LDLRAD4: variants seen among roughly 807,000 people sequenced by gnomAD.
LDLRAD4 encodes the protein low-density lipoprotein receptor class A domain-containing protein 4.
Under a neutral mutation model 17.0 loss-of-function variants are expected in LDLRAD4, and 5 were observed. The observed-to-expected ratio is 0.29, with a 90% CI of 0.15 to 0.62. LDLRAD4 has a LOEUF of 0.62. Ranked by LOEUF, LDLRAD4 falls within the 20% of genes least tolerant of loss-of-function variation. The pLI is 0.84. For synonymous variants in LDLRAD4, 168 were observed against 171.8 expected, an observed-to-expected ratio of 0.98 and a Z score of 0.17; for missense variants, 340 against 424.7, an observed-to-expected ratio of 0.80 and a Z score of 1.75.
At chr18:13,265,579 C>A (rs2044171035) in intron 1 of LDLRAD4, among the ~76,000 whole-genome samples, 1 of 152,220 alleles carries the variant, frequency 6.6e-6, no homozygotes, top group South Asian at 2.1e-4. Flanking sequence ...CACATCTCTT[C>A]ATTTTTCTTG....
chr18:13,574,608 G>C (rs945910272), intron 3 of LDLRAD4, among the ~76,000 whole-genome samples: 6 of 152,172 alleles, frequency 3.9e-5, no homozygotes, highest in African/African-American at 1.4e-4. Flanking sequence ...CTGCCTGAGA[G>C]CCCCCGGCTT....
At chr18:13,225,322 C>T (rs1019846387) in intron 1 of LDLRAD4, among the ~76,000 whole-genome samples, 3 of 152,198 alleles carry the variant, frequency 2.0e-5, no homozygotes, top group Non-Finnish European at 4.4e-5. Context: ...AACTGGTCCA[C>T]GGTATCAGGC....
intron 3 of LDLRAD4, among the ~76,000 whole-genome samples, chr18:13,495,512 A>C (rs1242018393): frequency 6.6e-6 from 1 of 152,204 alleles, no homozygotes; most frequent in African/African-American, 2.4e-5. Flanking sequence ...TTTTAGAGGA[A>C]ATACCAAGGC....
intron 2 of LDLRAD4, among the ~76,000 whole-genome samples, chr18:13,391,225 G>A (rs545455278): frequency 6.6e-6 from 1 of 152,296 alleles, no homozygotes; most frequent in Admixed American, 6.5e-5. Flanking sequence ...ACTAAAATTT[G>A]TCACTTTATG....
At chr18:13,244,378 A>G (rs532616131) in intron 1 of LDLRAD4, among the ~76,000 whole-genome samples, 5 of 151,636 alleles carry the variant, frequency 3.3e-5, no homozygotes, top group African/African-American at 1.2e-4. Flanking sequence ...CATCTGTCCT[A>G]ACATCCACCC....
In LDLRAD4 at chr18:13,497,663, A is replaced by G. The variant is rs538380532; in HGVS notation, c.181+59279A>G. Among the ~76,000 whole-genome samples the G allele has an allele frequency of 1.2e-4, 18 of 152,326 alleles. No individual in the cohort carries two copies. In the East Asian group the frequency reaches 2.5e-3, roughly 21 times the overall value. On this transcript the variant is annotated intron_variant, in intron 3 of 5. Transcript: ENST00000359446. ...GTGCAAGTGGCTTTCATGCCATAATACCAGGTCAAAACACATATGGGGGAG... is the reference window on the plus strand; with the variant it reads ...GTGCAAGTGGCTTTCATGCCATAATGCCAGGTCAAAACACATATGGGGGAG...
At chr18:13,561,172 G>C (rs2094536779) in intron 3 of LDLRAD4, among the ~76,000 whole-genome samples, 2 of 152,210 alleles carry the variant, frequency 1.3e-5, no homozygotes, top group Admixed American at 6.5e-5. Flanking sequence ...TATTCTTCAG[G>C]TTCCACGTTT....
intron 4 of LDLRAD4, among the ~76,000 whole-genome samples, chr18:13,636,220 C>T (rs2042066942): frequency 1.3e-5 from 2 of 151,960 alleles, no homozygotes; most frequent in South Asian, 4.1e-4. Context: ...CAAATAACAC[C>T]ACAGTCCCAG....
At chr18:13,605,182 A>C (rs1295574036) in intron 3 of LDLRAD4, among the ~76,000 whole-genome samples, 2 of 152,232 alleles carry the variant, frequency 1.3e-5, no homozygotes, top group East Asian at 3.8e-4. Flanking sequence ...GTTTTTAAGA[A>C]GGATGCCAAA....
intron 1 of LDLRAD4, among the ~76,000 whole-genome samples, chr18:13,232,908 C>T (rs2145541486): frequency 6.6e-6 from 1 of 152,332 alleles, no homozygotes; most frequent in East Asian, 1.9e-4. Flanking sequence ...TCTGCTGGCT[C>T]TCCCTGGTGT....
At chr18:13,261,766 C>T (rs1054639206) in intron 1 of LDLRAD4, among the ~76,000 whole-genome samples, 3 of 152,208 alleles carry the variant, frequency 2.0e-5, no homozygotes, top group East Asian at 3.9e-4. Flanking sequence ...ATGGCTTACC[C>T]GGCTGCAGGC....
At chr18:13,593,873 C>T (rs1601602868) in intron 3 of LDLRAD4, among the ~76,000 whole-genome samples, 1 of 152,178 alleles carries the variant, frequency 6.6e-6, no homozygotes, top group Non-Finnish European at 1.5e-5. Flanking sequence ...TAGCACACTA[C>T]AGCCTTGACC....
chr18:13,613,537 C>A (rs539967231), intron 3 of LDLRAD4: 1 of 152,326 alleles, frequency 6.6e-6, no homozygotes, highest in Non-Finnish European at 1.5e-5. Context: ...TGCTCTTACT[C>A]CTCTGCTGAT....
At chr18:13,546,251 A>G (rs1415321164) in intron 3 of LDLRAD4, among the ~76,000 whole-genome samples, 1 of 152,130 alleles carries the variant, frequency 6.6e-6, no homozygotes, top group Admixed American at 6.5e-5. Flanking sequence ...AGGGGAGTTC[A>G]GTGAAGCAGC....
chr18:13,252,706 A>G (rs1297091294), intron 1 of LDLRAD4, among the ~76,000 whole-genome samples: 2 of 152,198 alleles, frequency 1.3e-5, no homozygotes, highest in Non-Finnish European at 2.9e-5. Context: ...TGCCAGTGAG[A>G]GGAATGAAGA....
rs2094130657 is a variant in LDLRAD4, at chr18:13,531,709, C to G, written c.182-89408C>G. Among the ~76,000 whole-genome samples the G allele has an allele frequency of 2.0e-5, 3 of 150,922 alleles. No homozygotes were observed. In the South Asian group the frequency reaches 6.3e-4, roughly 32 times the overall value. ...AATTCCTGGTGCTCAGAGATCTGCT[C>G]TTTGGGCTGGAACCCTGATGGGCCT... On this transcript the variant is annotated intron_variant, in intron 3 of 5. Transcript: ENST00000359446.
intron 4 of LDLRAD4, among the ~76,000 whole-genome samples, chr18:13,636,866 C>T (rs1252594048): frequency 6.6e-6 from 1 of 151,878 alleles, no homozygotes; most frequent in African/African-American, 2.4e-5. Context: ...GGCATGACCT[C>T]GGCTCACTGC....
intron 3 of LDLRAD4, among the ~76,000 whole-genome samples, chr18:13,599,271 C>T (rs2095132029): frequency 6.6e-6 from 1 of 152,076 alleles, no homozygotes; most frequent in Non-Finnish European, 1.5e-5. Context: ...TGGGTTGTGG[C>T]TCAAGTGCCA....
chr18:13,380,917 A>C (rs1226552073), intron 1 of LDLRAD4, among the ~76,000 whole-genome samples: 1 of 152,036 alleles, frequency 6.6e-6, no homozygotes, highest in East Asian at 1.9e-4. Context: ...TTGCCCCCCC[A>C]CATCACAGAG....
Sources: gnomAD v4.1 joint callset for allele counts (sites outside exome capture counted in the v4.1 genomes callset) on GRCh38, gnomAD v4.1.1 for gene constraint, MANE v1.5 for transcripts, NCBI Gene and HGNC (gene_info 2026-07-23, HGNC 2026-07-21) for gene names.